TMEM17: variants seen among roughly 807,000 people sequenced by gnomAD.
TMEM17 encodes the protein transmembrane protein 17.
In TMEM17, 15 loss-of-function variants were observed where a neutral mutation model predicts 19.1. The ratio of observed to expected loss-of-function variants is 0.78; its 90% CI spans 0.52 to 1.21. The LOEUF (loss-of-function observed/expected upper bound fraction) is 1.21. Among genes scored for constraint, TMEM17 ranks in the 50% most tolerant of loss-of-function variants. The pLI, the probability that TMEM17 is intolerant of heterozygous loss-of-function variation, is 0.00. For missense variants in TMEM17, 245 were observed against 242.3 expected (o/e 1.01, Z -0.07); for synonymous variants, 103 against 86.9 (o/e 1.19, Z -1.03).
chr2:62,471,196 G>T, the TMEM17 span, among the ~76,000 whole-genome samples: 1 of 152,170 alleles, frequency 6.6e-6, no homozygotes, highest in Non-Finnish European at 1.5e-5. Context: ...AAGGCTGTAG[G>T]TAGGGAAGCT....
At chr2:62,476,852 A>C in the TMEM17 span, among the ~76,000 whole-genome samples, 9 of 152,282 alleles carry the variant, frequency 5.9e-5, no homozygotes, top group Admixed American at 1.3e-4. Context: ...TCCTGCTGAG[A>C]CTGAGCCCCA....
chr2:62,481,365 T>G, the TMEM17 span, among the ~76,000 whole-genome samples: 1 of 152,222 alleles, frequency 6.6e-6, no homozygotes, highest in Admixed American at 6.5e-5. Flanking sequence ...TTTCTATATG[T>G]AAGATCACGT....
At chr2:62,471,551 T>C in the TMEM17 span, among the ~76,000 whole-genome samples, 125,942 of 152,102 alleles carry the variant, frequency 0.83, 52,552 homozygotes, top group African/African-American at 0.94. Context: ...AGATTGGGAA[T>C]TCCTTGCAGG....
At chr2:62,473,095 G>A in the TMEM17 span, among the ~76,000 whole-genome samples, 1 of 152,174 alleles carries the variant, frequency 6.6e-6, no homozygotes, top group African/African-American at 2.4e-5. Context: ...ACCTAGAGAT[G>A]ATTTACTATC....
At chr2:62,473,171 T>C in the TMEM17 span, among the ~76,000 whole-genome samples, 1 of 152,198 alleles carries the variant, frequency 6.6e-6, no homozygotes, top group African/African-American at 2.4e-5. Context: ...TCAGGCACTG[T>C]TCTAATTGCT....
chr2:62,474,179 A>T, the TMEM17 span, among the ~76,000 whole-genome samples: 3 of 152,212 alleles, frequency 2.0e-5, no homozygotes, highest in Non-Finnish European at 4.4e-5. Context: ...ATAAAACTGA[A>T]GCAAAAAAGG....
chr2:62,501,103 T>C lies in TMEM17; in HGVS notation c.*106A>G, dbSNP rs990142491. 1.9e-5 allele frequency: 25 copies of C among 1,309,406 alleles called. No homozygotes were observed. In the African/African-American group the frequency reaches 3.7e-4, roughly 19 times the overall value. The allele number at this position is 1,309,406 out of a possible 1,614,324, so 81.1% of individuals were successfully genotyped here. ...CTTGGAATTTCAGAGTGAGAGCATA[T>C]ACAATTCAAAACACTTGCTTTGTCC... On this transcript the variant is annotated 3_prime_UTR_variant, in exon 4 of 4. Transcript: ENST00000335390.
At chr2:62,503,542 G>A (rs1364609668) in intron 1 of TMEM17, among the ~76,000 whole-genome samples, 1 of 152,204 alleles carries the variant, frequency 6.6e-6, no homozygotes, top group Non-Finnish European at 1.5e-5. Context: ...AACTCTTTGA[G>A]CTTCTATTTC....
the TMEM17 span, among the ~76,000 whole-genome samples, chr2:62,487,389 T>C: frequency 6.6e-6 from 1 of 152,246 alleles, no homozygotes; most frequent in African/African-American, 2.4e-5. Context: ...CAAGATACTC[T>C]CCTTATTTTA....
intron 1 of TMEM17, among the ~76,000 whole-genome samples, chr2:62,505,196 G>C (rs935866127): frequency 6.6e-6 from 1 of 152,182 alleles, no homozygotes; most frequent in East Asian, 1.9e-4. Flanking sequence ...TTTCCCAGCA[G>C]AGTTGAATGA....
the TMEM17 span, among the ~76,000 whole-genome samples, chr2:62,460,033 A>G: frequency 6.6e-6 from 1 of 152,262 alleles, no homozygotes; most frequent in Non-Finnish European, 1.5e-5. Context: ...AAACCAGAAC[A>G]TGATGAAAAT....
At chr2:62,498,230 C>T (rs888840369), downstream of TMEM17, among the ~76,000 whole-genome samples, 19 of 150,664 alleles carry the variant, frequency 1.3e-4, no homozygotes, top group African/African-American at 3.9e-4. Flanking sequence ...ACTAAAAATA[C>T]AAAAAAATTA....
chr2:62,465,616 C>G, the TMEM17 span, among the ~76,000 whole-genome samples: 1 of 151,430 alleles, frequency 6.6e-6, no homozygotes, highest in Non-Finnish European at 1.5e-5. Context: ...AAAGACTCAG[C>G]ATTTTGTGAG....
chr2:62,493,062 T>TA, the TMEM17 span, among the ~76,000 whole-genome samples: 1 of 152,158 alleles, frequency 6.6e-6, no homozygotes, highest in Non-Finnish European at 1.5e-5. Flanking sequence ...TACAGGGTCT[T>TA]ACTCTTGCCC....
At chr2:62,480,428 A>G in the TMEM17 span, among the ~76,000 whole-genome samples, 8,147 of 151,980 alleles carry the variant, frequency 0.054, 296 homozygotes, top group South Asian at 0.12. Flanking sequence ...ATGTGATCCC[A>G]TTTGTTACTT....
chr2:62,465,594 A>G, the TMEM17 span, among the ~76,000 whole-genome samples: 109 of 142,274 alleles, frequency 7.7e-4, no homozygotes, highest in Non-Finnish European at 1.3e-3. Flanking sequence ...CCTTGTCTAT[A>G]TTAAAAAAAA....
At chr2:62,476,020 G>A in the TMEM17 span, among the ~76,000 whole-genome samples, 4 of 152,314 alleles carry the variant, frequency 2.6e-5, no homozygotes, top group East Asian at 3.9e-4. Context: ...GACCTACCAC[G>A]GTGTCAGAGC....
the TMEM17 span, among the ~76,000 whole-genome samples, chr2:62,470,102 A>C: frequency 6.6e-6 from 1 of 152,206 alleles, no homozygotes; most frequent in Non-Finnish European, 1.5e-5. Context: ...CTAAGAAGAC[A>C]CCCATTAGTT....
At chr2:62,482,489 A>G in the TMEM17 span, among the ~76,000 whole-genome samples, 1 of 152,192 alleles carries the variant, frequency 6.6e-6, no homozygotes, top group Non-Finnish European at 1.5e-5. Flanking sequence ...CCTGTGGGGA[A>G]CTCATCCAGT....
Sources: allele counts gnomAD v4.1 joint callset (sites outside exome capture counted in the v4.1 genomes callset), GRCh38; gene constraint gnomAD v4.1.1; transcripts MANE v1.5; gene names NCBI Gene and HGNC (gene_info 2026-07-23, HGNC 2026-07-21).